The following SYCP1 variants were observed in gnomAD, a reference collection of about 807,000 sequenced individuals.
The protein encoded by SYCP1 is synaptonemal complex protein 1, also known as cancer/testis antigen 8.
A neutral mutation model predicts 153.1 loss-of-function variants in SYCP1; 64 were observed. The observed-to-expected ratio is 0.42, with a 90% CI of 0.34 to 0.51. SYCP1 has a LOEUF of 0.51. Among genes scored for constraint, SYCP1 ranks in the 20% least tolerant of loss-of-function variants. The pLI, the probability that SYCP1 is intolerant of heterozygous loss-of-function variation, is 0.06. For synonymous variants in SYCP1, 384 were observed against 341.8 expected (o/e 1.12, Z -1.36); for missense variants, 997 against 1,049.0 (o/e 0.95, Z 0.68).
In SYCP1 at chr1:114,874,575, ATGAAATC is replaced by A. The variant is rs1307569343; in HGVS notation, c.657+15_657+21del. 4 of 1,544,606 alleles carry A rather than the reference ATGAAATC, an allele frequency of 2.6e-6. No individual in the cohort carries two copies. Among genetic ancestry groups the A allele is most frequent in the Non-Finnish European group, 3.5e-6 (4 of 1,139,160 alleles). On this transcript the variant is annotated intron_variant, in intron 9 of 31. Coordinates refer to ENST00000369522, the MANE Select transcript of SYCP1 (RefSeq NM_003176.4). ...AATAATAACATTGAGGTGAGTGTTA[ATGAAATC>A]TGAGTATTTTAAACATAGGAATTTC... is the stretch of plus-strand genomic sequence containing the variant.
At chr1:114,939,134 A>G (rs540117229) in intron 23 of SYCP1, among the ~76,000 whole-genome samples, 70 of 152,348 alleles carry the variant, frequency 4.6e-4, no homozygotes, top group African/African-American at 1.6e-3. Flanking sequence ...ATTATTCACA[A>G]TAGCCAAAAG....
chr1:114,936,018 T>C (rs936415306), intron 23 of SYCP1, among the ~76,000 whole-genome samples: 11 of 152,108 alleles, frequency 7.2e-5, no homozygotes, highest in South Asian at 2.1e-4. Flanking sequence ...TTCCAATCGA[T>C]AGAAAAAGAG....
At chr1:114,978,926 A>C (rs1166964874) in intron 28 of SYCP1, among the ~76,000 whole-genome samples, 2 of 151,716 alleles carry the variant, frequency 1.3e-5, no homozygotes, top group Admixed American at 6.6e-5. Context: ...ATTCTTTTTT[A>C]AATTTAGAAT....
At chr1:114,987,312 C>T (rs779518612) in intron 30 of SYCP1, among the ~76,000 whole-genome samples, 11 of 151,822 alleles carry the variant, frequency 7.2e-5, no homozygotes, top group Admixed American at 3.3e-4. Context: ...CAGAAAATCC[C>T]GGGGAAGAGG....
At chr1:114,977,700 G>A in intron 28 of SYCP1, 84 bp downstream of exon 28, 5 of 863,596 alleles carry the variant, frequency 5.8e-6, no homozygotes, top group East Asian at 3.0e-5. Context: ...TTTATAAGTA[G>A]GAAAATAACA....
intron 8 of SYCP1, among the ~76,000 whole-genome samples, chr1:114,862,332 A>ATAGTTCTTTT (rs1411734506): frequency 6.7e-6 from 1 of 149,976 alleles, no homozygotes; most frequent in East Asian, 2.0e-4. Flanking sequence ...GACAAGTCTG[A>ATAGTTCTTTT]TAGTTCTTTT....
chr1:114,944,145 T>C (rs951092742), intron 23 of SYCP1, among the ~76,000 whole-genome samples, 194 bp from the exon 24 acceptor site: 1 of 151,836 alleles, frequency 6.6e-6, no homozygotes, highest in South Asian at 2.1e-4. Context: ...AAAAAATACA[T>C]ATTTTAGGGG....
intron 10 of SYCP1, among the ~76,000 whole-genome samples, chr1:114,876,418 T>C (rs1390620565): frequency 6.6e-6 from 1 of 151,906 alleles, no homozygotes; most frequent in Non-Finnish European, 1.5e-5. Flanking sequence ...CTTGGTATAG[T>C]ATGCATGTTA....
chr1:114,952,239 A>G (rs1671154965), intron 27 of SYCP1, among the ~76,000 whole-genome samples: 1 of 152,142 alleles, frequency 6.6e-6, no homozygotes, highest in Admixed American at 6.5e-5. Flanking sequence ...CTGCCAAACT[A>G]TTTTCCAAAG....
chr1:114,932,748 G>C (rs1669720473), intron 23 of SYCP1, among the ~76,000 whole-genome samples: 1 of 152,240 alleles, frequency 6.6e-6, no homozygotes, highest in Admixed American at 6.5e-5. Context: ...CACACCAGGA[G>C]ATTATATCCC....
Position 114,862,475 on chromosome 1 carries a change from G to C in SYCP1, c.598+1666G>C, listed in dbSNP as rs527747572. ...AGTGATTCTCCTGCCTCAGCCTCCTGAGTAGCTGTGACTACAGGTGCCCAC... is the reference window on the plus strand; with the variant it reads ...AGTGATTCTCCTGCCTCAGCCTCCTCAGTAGCTGTGACTACAGGTGCCCAC... On this transcript the variant is annotated intron_variant, in intron 8 of 31. Coordinates refer to ENST00000369522, the MANE Select transcript of SYCP1 (RefSeq NM_003176.4). 9.6e-4 allele frequency among the ~76,000 whole-genome samples: 146 copies of C among 151,634 alleles called. 2 individuals carry two copies. The highest frequency in any genetic ancestry group is 1.7e-3 in the Non-Finnish European group (116 of 67,942).
Position 114,926,285 on chromosome 1 carries a change from A to G in SYCP1, c.1808A>G (p.Asn603Ser), listed in dbSNP as rs1669242932. The change falls in exon 22 of 32, where the codon AAT becomes AGT. Residue 603 changes from asparagine (N) to serine (S), a missense_variant. By Grantham distance (46) the Asn-to-Ser change is conservative. Coordinates refer to ENST00000369522, the MANE Select transcript of SYCP1 (RefSeq NM_003176.4). ...TTTCTCACAATTTTTTAGTGTAACAATTTAAGGAAACAAGTTGAAAATAAA... is the reference window on the plus strand; with the variant it reads ...TTTCTCACAATTTTTTAGTGTAACAGTTTAAGGAAACAAGTTGAAAATAAA... Reference protein sequence around the residue: ...KLDKSEENCNNLRKQVENKNK... With the variant: ...KLDKSEENCNSLRKQVENKNK... 1.3e-6 allele frequency: 2 copies of G among 1,526,394 alleles called. No individual in the cohort carries two copies. Among genetic ancestry groups the G allele is most frequent in the Non-Finnish European group, 1.8e-6 (2 of 1,132,608 alleles). The allele number at this position is 1,526,394 out of a possible 1,614,324, so 94.6% of individuals were successfully genotyped here.
intron 6 of SYCP1, among the ~76,000 whole-genome samples, chr1:114,859,433 G>GA (rs1664233644): frequency 6.6e-6 from 1 of 152,122 alleles, no homozygotes; most frequent in East Asian, 1.9e-4. Context: ...AAAATGTTGA[G>GA]AAAATGTGAC....
At chr1:114,960,249 C>T (rs1391180698) in intron 27 of SYCP1, among the ~76,000 whole-genome samples, 1 of 144,462 alleles carries the variant, frequency 6.9e-6, no homozygotes, top group African/African-American at 2.6e-5. Context: ...CTCACTGCAA[C>T]CTCCACCTCC....
At chr1:114,969,595 A>T (rs1281805167) in intron 27 of SYCP1, among the ~76,000 whole-genome samples, 2 of 152,136 alleles carry the variant, frequency 1.3e-5, no homozygotes, top group Non-Finnish European at 2.9e-5. Flanking sequence ...TGGGGATGGG[A>T]TCTACTGAGC....
Position 114,990,028 on chromosome 1 carries a change from CCAA to C in SYCP1, c.2704-4661_2704-4659del, listed in dbSNP as rs1308990432. Among the ~76,000 whole-genome samples the C allele has an allele frequency of 1.1e-4, 17 of 151,942 alleles. No individual in the cohort carries two copies. In the East Asian group the frequency reaches 3.1e-3, roughly 28 times the overall value. On this transcript the variant is annotated intron_variant, in intron 30 of 31. Transcript: ENST00000369522. The stretch of plus-strand genomic sequence containing the variant: ...CTAACAGACATGTATAACATTCTAC[CCAA>C]CAACAACAGCATACATATTCTTTCA...
chr1:114,958,242 C>T (rs1277652228), intron 27 of SYCP1, among the ~76,000 whole-genome samples: 1 of 151,856 alleles, frequency 6.6e-6, no homozygotes, highest in African/African-American at 2.4e-5. Context: ...AAAAAATTAT[C>T]TCATGGAGGT....
chr1:114,855,483 T>G lies in SYCP1; in HGVS notation c.19T>G (p.Phe7Val). MEKQKP[F>V]ALFVPPRSSS... ...AGAGAAAATGGAAAAGCAAAAGCCC[T>G]TTGCATTGTTCGTACCACCGAGATC... Residue 7 changes from phenylalanine (F) to valine (V), a missense_variant, in exon 2 of 32, where the codon TTT becomes GTT. Coordinates refer to ENST00000369522, the MANE Select transcript of SYCP1 (RefSeq NM_003176.4). The G allele has an allele frequency of 6.2e-7, 1 of 1,612,490 alleles. No individual in the cohort carries two copies. The highest frequency in any genetic ancestry group is 8.5e-7 in the Non-Finnish European group (1 of 1,179,092).
In SYCP1 at chr1:114,873,979, A is replaced by T. The variant is rs184901634; in HGVS notation, c.599-527A>T. ...ACTCCTGGCATCAAGCAACCTGCCAACCTCTGCCTCCCAAAGTGCTAGGAT... is the reference window on the plus strand; with the variant it reads ...ACTCCTGGCATCAAGCAACCTGCCATCCTCTGCCTCCCAAAGTGCTAGGAT... On this transcript the variant is annotated intron_variant, in intron 8 of 31. Transcript: ENST00000369522. 7.4e-3 allele frequency among the ~76,000 whole-genome samples: 1,119 copies of T among 152,044 alleles called. 12 individuals are homozygous for T. Among genetic ancestry groups the T allele is most frequent in the Non-Finnish European group, 0.011 (714 of 67,976 alleles).
Sources: gnomAD v4.1 joint callset for allele counts (sites outside exome capture counted in the v4.1 genomes callset) on GRCh38, gnomAD v4.1.1 for gene constraint, MANE v1.5 for transcripts, NCBI Gene and HGNC (gene_info 2026-07-23, HGNC 2026-07-21) for gene names.